Variants in SLC23A1 observed in about 807,000 individuals in gnomAD.
SLC23A1 encodes Na(+)/L-ascorbic acid transporter 1.
SLC23A1 carries 31 observed loss-of-function variants against 62.5 expected under a neutral mutation model. That is an observed-to-expected ratio of 0.50 (90% CI 0.37 to 0.67). The LOEUF is 0.67. Among genes scored for constraint, SLC23A1 ranks in the 30% least tolerant of loss-of-function variants. The pLI is 0.00. For synonymous variants in SLC23A1, 271 were observed against 313.2 expected (o/e 0.87, Z 1.42); for missense variants, 640 against 782.7 (o/e 0.82, Z 2.18).
At chr5:139,372,304 C>G in intron 13 of SLC23A1, 51 bp from the exon 14 acceptor site, 2 of 1,565,186 alleles carry the variant, frequency 1.3e-6, no homozygotes, top group Non-Finnish European at 8.7e-7. Context: ...CCTCAGCCAC[C>G]CCCACTTCCC....
In SLC23A1 at chr5:139,379,830, A is replaced by G. The variant is rs753411444; in HGVS notation, c.773T>C (p.Met258Thr). The change falls in exon 8 of 15, where the codon ATG becomes ACG. Residue 258 changes from methionine to threonine, a missense_variant. Met to Thr is a moderately conservative substitution (Grantham distance 81). Transcript: ENST00000348729. This position sits in a 1 kb window ranked among gnomAD's most constrained non-coding sequence, Gnocchi z 4.7. The stretch of plus-strand genomic sequence containing the variant: ...CAGCCACACGGTCATGATGGCCAGC[A>G]TGATCTGAAGGAGGGGGGTGAGGGG... ...RIQIFKMFPIMLAIMTVWLLC... is the reference protein window; with the variant it reads ...RIQIFKMFPITLAIMTVWLLC... The G allele has an allele frequency of 3.1e-6, 5 of 1,614,122 alleles. No individual in the cohort carries two copies. In the South Asian group the frequency reaches 3.3e-5, roughly 11 times the overall value.
chr5:139,377,047 AAGTGGAGGTTGCAGTG>A (rs1757980934), intron 13 of SLC23A1, among the ~76,000 whole-genome samples: 1 of 152,000 alleles, frequency 6.6e-6, no homozygotes, highest in Non-Finnish European at 1.5e-5. Flanking sequence ...ACCCTCCGGG[AAGTGGAGGTTGCAGTG>A]AGCTGAGATC....
chr5:139,380,610 A>T lies in SLC23A1; in HGVS notation c.420T>A (p.Ser140Arg), dbSNP rs1758203174. 2 of 1,613,710 alleles carry T rather than the reference A, an allele frequency of 1.2e-6. No individual in the cohort carries two copies. The highest frequency in any genetic ancestry group is 1.7e-5 in the Admixed American group (1 of 59,996). Residue 140 changes from serine (S) to arginine (R), a missense_variant, in exon 5 of 15, where the codon AGT becomes AGA. By Grantham distance (110) the Ser-to-Arg change is moderately radical. Coordinates refer to ENST00000348729, the MANE Select transcript of SLC23A1 (RefSeq NM_005847.5). ...AAATATGAGAGGTGTTCAGGGGCAGACTCCAGTTACCGTAGATCTCCTCTG... is the reference window on the plus strand; with the variant it reads ...AAATATGAGAGGTGTTCAGGGGCAGTCTCCAGTTACCGTAGATCTCCTCTG... ...PPEEEIYGNWSLPLNTSHIWH... is the reference protein window; with the variant it reads ...PPEEEIYGNWRLPLNTSHIWH...
chr5:139,384,523 C>T, upstream of SLC23A1: 1 of 1,289,650 alleles, frequency 7.8e-7, no homozygotes, highest in South Asian at 1.2e-5. Context: ...TTGGCTACTG[C>T]TCCCAATTTC....
intron 14 of SLC23A1, chr5:139,368,906 A>G: frequency 2.6e-6 from 2 of 782,210 alleles, no homozygotes; most frequent in Non-Finnish European, 4.2e-6. Context: ...ACACTTATGC[A>G]TTGCCAAAGT....
At chr5:139,381,116 C>G (rs1185468397) in intron 3 of SLC23A1, among the ~76,000 whole-genome samples, 2 of 152,244 alleles carry the variant, frequency 1.3e-5, no homozygotes, top group Non-Finnish European at 2.9e-5. Context: ...CTTCCCACCA[C>G]CAGCTCCTGC....
chr5:139,368,664 A>G, intron 14 of SLC23A1: 1 of 1,011,356 alleles, frequency 9.9e-7, no homozygotes, highest in Non-Finnish European at 1.5e-6. Context: ...TTTTTGCATG[A>G]GGATCTAGAT....
rs769262149 is a variant in SLC23A1 at position 139,378,044 on chromosome 5, C to T, written c.1384G>A (p.Gly462Arg). Reference sequence around the variant, plus strand: ...GTGAGCCCGAAGAACATGGAAAATCCCAGCACGAAGAGGTTGCGAGAGGAG... The same window carrying T: ...GTGAGCCCGAAGAACATGGAAAATCTCAGCACGAAGAGGTTGCGAGAGGAG... ...MNSSRNLFVLGFSMFFGLTLP... is the reference protein window; with the variant it reads ...MNSSRNLFVLRFSMFFGLTLP... Residue 462 changes from glycine to arginine, a missense_variant, in exon 12 of 15, where the codon GGA becomes AGA. By Grantham distance (125) the Gly-to-Arg change is moderately radical. Transcript: ENST00000348729. This position sits in a 1 kb window ranked among gnomAD's most constrained non-coding sequence, Gnocchi z 4.5. 5 of 1,614,142 alleles carry T rather than the reference C, an allele frequency of 3.1e-6. No individual in the cohort carries two copies. The highest frequency in any genetic ancestry group is 3.4e-6 in the Non-Finnish European group (4 of 1,180,010).
At position 139,378,463 on chromosome 5, in the gene SLC23A1, C is replaced by G; in HGVS notation, c.1180-112G>C. 1 of 1,447,332 alleles carries G rather than the reference C, an allele frequency of 6.9e-7. No individual in the cohort carries two copies. The highest frequency in any genetic ancestry group is 2.5e-5 in the East Asian group (1 of 40,264). 89.7% of individuals were successfully genotyped at this position (1,447,332 alleles called of 1,614,324 possible). On this transcript the variant is annotated intron_variant, in intron 10 of 14. Coordinates refer to ENST00000348729, the MANE Select transcript of SLC23A1 (RefSeq NM_005847.5). This position sits in a 1 kb window ranked among gnomAD's most constrained non-coding sequence, Gnocchi z 4.5. ...GGCATAAACCGGCTGGGGCTTGATGCGGGGGCGAGGCCTCTCAAAGACAGG... is the reference window on the plus strand; with the variant it reads ...GGCATAAACCGGCTGGGGCTTGATGGGGGGGCGAGGCCTCTCAAAGACAGG...
At chr5:139,370,964 C>T (rs1432703277) in intron 14 of SLC23A1, among the ~76,000 whole-genome samples, 1 of 151,914 alleles carries the variant, frequency 6.6e-6, no homozygotes, top group Non-Finnish European at 1.5e-5. Context: ...CGCCTGTAAT[C>T]CCAGCTACTC....
Position 139,380,179 on chromosome 5 carries a change from G to A in SLC23A1, c.647+29C>T, listed in dbSNP as rs1352563206. On this transcript the variant is annotated intron_variant, in intron 6 of 14. Coordinates refer to ENST00000348729, the MANE Select transcript of SLC23A1 (RefSeq NM_005847.5). ...TGAAGAGGGTAGGGTGCTGGGGCTGGGCAGGGATCAGGCCTGGTGCCTGCT... is the reference window on the plus strand; with the variant it reads ...TGAAGAGGGTAGGGTGCTGGGGCTGAGCAGGGATCAGGCCTGGTGCCTGCT... 3 of 1,556,126 alleles carry A rather than the reference G, an allele frequency of 1.9e-6. No individual in the cohort carries two copies. The South Asian group carries it at 3.5e-5, about 18-fold the overall frequency.
intron 13 of SLC23A1, among the ~76,000 whole-genome samples, chr5:139,376,170 T>C (rs1278898333): frequency 4.1e-5 from 1 of 24,548 alleles, no homozygotes; most frequent in Non-Finnish European, 7.7e-5. Context: ...AGATTTGCGA[T>C]GTTTTAATTT....
Position 139,372,232 on chromosome 5 carries a change from A to G in SLC23A1, c.1571T>C (p.Leu524Pro). 6.2e-7 allele frequency: 1 copy of G among 1,613,890 alleles called. No homozygotes were observed. The highest frequency in any genetic ancestry group is 8.5e-7 in the Non-Finnish European group (1 of 1,179,822). ...TVPGSPEERG[L>P]IQWKAGAHAN... ...ATGAGCCCCAGCTTTCCACTGTATCAGACCACGCTCCTCTGGGCTCCCTGG... is the reference window on the plus strand; with the variant it reads ...ATGAGCCCCAGCTTTCCACTGTATCGGACCACGCTCCTCTGGGCTCCCTGG... The change falls in exon 14 of 15, where the codon CTG becomes CCG. Residue 524 changes from leucine to proline, a missense_variant. Leu to Pro is a moderately conservative substitution (Grantham distance 98, BLOSUM62 -3). Transcript: ENST00000348729.
rs1287598185 is a variant in SLC23A1, at chr5:139,378,468, G to A, written c.1179+111C>T. 84 of 1,443,356 alleles carry A rather than the reference G, an allele frequency of 5.8e-5. No homozygotes were observed. The highest frequency in any genetic ancestry group is 6.5e-5 in the Non-Finnish European group (69 of 1,056,602). The allele number at this position is 1,443,356 out of a possible 1,614,324, so 89.4% of individuals were successfully genotyped here. On this transcript the variant is annotated intron_variant, in intron 10 of 14. Coordinates refer to ENST00000348729, the MANE Select transcript of SLC23A1 (RefSeq NM_005847.5). The surrounding 1 kb of genome is among the most constrained non-coding windows in gnomAD (Gnocchi z 4.5). ...AAACCGGCTGGGGCTTGATGCGGGGGCGAGGCCTCTCAAAGACAGGGTGGG... is the reference window on the plus strand; with the variant it reads ...AAACCGGCTGGGGCTTGATGCGGGGACGAGGCCTCTCAAAGACAGGGTGGG...
chr5:139,383,246 G>C lies in SLC23A1; in HGVS notation c.8C>G (p.Ala3Gly), dbSNP rs531426522. The change falls in exon 1 of 15, where the codon GCC (alanine) becomes GGC (glycine). Residue 3 changes from alanine to glycine, a missense_variant. Ala to Gly is a moderately conservative substitution (Grantham distance 60). Transcript: ENST00000348729. The stretch of plus-strand genomic sequence containing the variant: ...TGTCCGGCCCTCGAGGTCCTCCTGG[G>C]CCCTCATCTTTGGGGCACAGGTTTG... MR[A>G]QEDLEGRTQH... 6.4e-7 allele frequency: 1 copy of C among 1,574,292 alleles called. No homozygotes were observed. The highest frequency in any genetic ancestry group is 8.6e-7 in the Non-Finnish European group (1 of 1,161,840).
rs369734824 is a variant in SLC23A1, at chr5:139,379,361, T to C, written c.926-7A>G. 4.0e-5 allele frequency: 65 copies of C among 1,613,578 alleles called. 1 individual carries two copies. Among genetic ancestry groups the C allele is most frequent in the Non-Finnish European group, 5.4e-5 (64 of 1,179,668 alleles). ...GTGGGCAGGCCCCACTGACCTGTGC[T>C]CGGAGGGAGACAGGATGGTGGCTAC... On this transcript the variant is annotated splice_region_variant and splice_polypyrimidine_tract_variant and intron_variant, in intron 8 of 14. Transcript: ENST00000348729. This position sits in a 1 kb window ranked among gnomAD's most constrained non-coding sequence, Gnocchi z 4.7.
intron 13 of SLC23A1, 119 bp from the exon 14 acceptor site, chr5:139,372,372 G>T (rs1385828431): frequency 3.1e-6 from 3 of 959,560 alleles, no homozygotes; most frequent in Admixed American, 5.0e-5. Flanking sequence ...CTATCATTTG[G>T]TCCTAAAACG....
rs200977456 is a variant in SLC23A1 at position 139,380,636 on chromosome 5, G to C, written c.398-4C>G. 1 of 1,611,242 alleles carries C rather than the reference G, an allele frequency of 6.2e-7. No individual in the cohort carries two copies. Among genetic ancestry groups the C allele is most frequent in the Non-Finnish European group, 8.5e-7 (1 of 1,177,424 alleles). On this transcript the variant is annotated splice_polypyrimidine_tract_variant and splice_region_variant and intron_variant, in intron 4 of 14. Transcript: ENST00000348729. Reference sequence around the variant, plus strand: ...CTCCAGTTACCGTAGATCTCCTCTGGGGGTAGAGTCAGGGATACACACACG... The same window carrying C: ...CTCCAGTTACCGTAGATCTCCTCTGCGGGTAGAGTCAGGGATACACACACG...
At chr5:139,383,175 ACCCCCCCTGCCCCC>A (rs770959443) in intron 1 of SLC23A1, 29 bp downstream of exon 1, 1 of 215,978 alleles carries the variant, frequency 4.6e-6, no homozygotes, top group Non-Finnish European at 7.8e-6. Context: ...CCAGCCCCCC[ACCCCCCCTGCCCCC>A]CCTAGCCCCC....
Sources: allele counts gnomAD v4.1 joint callset (sites outside exome capture counted in the v4.1 genomes callset), GRCh38; gene constraint gnomAD v4.1.1; non-coding constraint Gnocchi (gnomAD v3.1); transcripts MANE v1.5; gene names NCBI Gene and HGNC (gene_info 2026-07-23, HGNC 2026-07-21).